Variants in NBAS observed in about 807,000 individuals in gnomAD.
NBAS encodes the protein NBAS subunit of NRZ tethering complex, also known as NAG/BC035112 fusion.
NBAS carries 219 observed loss-of-function variants against 302.5 expected under a neutral mutation model. The observed-to-expected ratio is 0.72, with a 90% CI of 0.65 to 0.81. The LOEUF (loss-of-function observed/expected upper bound fraction) is 0.81. NBAS is among the 30% of genes least tolerant of loss of function. NBAS has a pLI of 0.00. For synonymous variants in NBAS, 1,118 were observed against 1,021.6 expected, an observed-to-expected ratio of 1.09 and a Z score of -1.80; for missense variants, 2,932 against 2,841.6, an observed-to-expected ratio of 1.03 and a Z score of -0.72.
intron 48 of NBAS, among the ~76,000 whole-genome samples, chr2:15,203,724 A>G (rs1019596769): frequency 2.6e-5 from 4 of 152,206 alleles, no homozygotes; most frequent in Admixed American, 6.5e-5. Context: ...CTCATATTCC[A>G]TGTTAATATT....
chr2:15,268,809 T>C (rs1669191044), intron 44 of NBAS, among the ~76,000 whole-genome samples: 1 of 152,238 alleles, frequency 6.6e-6, no homozygotes, highest in Non-Finnish European at 1.5e-5. Context: ...CTTTCTGTGG[T>C]ACCTGATTCC....
chr2:15,328,811 C>T (rs567835756), intron 36 of NBAS, among the ~76,000 whole-genome samples: 71 of 152,288 alleles, frequency 4.7e-4, no homozygotes, highest in Non-Finnish European at 6.8e-4. Flanking sequence ...TAACTTTCCA[C>T]CTCAACCAAA....
chr2:15,070,846 G>T, the NBAS span, among the ~76,000 whole-genome samples: 1 of 152,196 alleles, frequency 6.6e-6, no homozygotes, highest in African/African-American at 2.4e-5. Flanking sequence ...TTTGGAAGAA[G>T]AAAGAGGGGT....
the NBAS span, among the ~76,000 whole-genome samples, chr2:15,032,248 G>A: frequency 6.6e-6 from 1 of 152,234 alleles, no homozygotes; most frequent in Non-Finnish European, 1.5e-5. Context: ...TTGAAATGAG[G>A]TAATGTACTG....
chr2:15,178,945 T>C (rs62121507), intron 51 of NBAS, 43 bp downstream of exon 51: 8 of 1,544,734 alleles, frequency 5.2e-6, no homozygotes, highest in African/African-American at 2.2e-5. Context: ...CTTTGAAACA[T>C]TAAAAAAAAA....
At chr2:15,255,697 C>T (rs1014981358) in intron 44 of NBAS, among the ~76,000 whole-genome samples, 3 of 152,094 alleles carry the variant, frequency 2.0e-5, no homozygotes, top group African/African-American at 7.2e-5. Flanking sequence ...GATTTAAGTC[C>T]TTGAACCATC....
At chr2:15,233,946 C>T (rs931375038) in intron 46 of NBAS, among the ~76,000 whole-genome samples, 1 of 152,158 alleles carries the variant, frequency 6.6e-6, no homozygotes, top group Non-Finnish European at 1.5e-5. Context: ...TCCTTGATGC[C>T]TCATTATTTC....
At chr2:14,826,386 A>G in the NBAS span, among the ~76,000 whole-genome samples, 1 of 152,240 alleles carries the variant, frequency 6.6e-6, no homozygotes, top group Non-Finnish European at 1.5e-5. Flanking sequence ...AAATATGTAA[A>G]TGCACACACA....
chr2:14,992,591 C>T, the NBAS span, among the ~76,000 whole-genome samples: 1 of 152,138 alleles, frequency 6.6e-6, no homozygotes, highest in Non-Finnish European at 1.5e-5. Flanking sequence ...TCAGGGCTGC[C>T]CCTAGCAAGA....
At chr2:15,349,755 A>T (rs1477457662) in intron 35 of NBAS, among the ~76,000 whole-genome samples, 1 of 152,214 alleles carries the variant, frequency 6.6e-6, no homozygotes, top group Non-Finnish European at 1.5e-5. Flanking sequence ...GGAGTTCAAG[A>T]CCGGCCTGGC....
the NBAS span, among the ~76,000 whole-genome samples, chr2:15,073,018 A>G: frequency 1.3e-5 from 2 of 152,218 alleles, no homozygotes; most frequent in Middle Eastern, 3.4e-3. Context: ...AGTTCAAGCT[A>G]CTTGGGAGGC....
chr2:14,867,947 T>C, the NBAS span, among the ~76,000 whole-genome samples: 1 of 152,228 alleles, frequency 6.6e-6, no homozygotes. Context: ...GGAAAAAGCA[T>C]ACCCCTAGTC....
chr2:15,346,397 A>G (rs1673093089), intron 35 of NBAS, among the ~76,000 whole-genome samples: 1 of 152,234 alleles, frequency 6.6e-6, no homozygotes, highest in Non-Finnish European at 1.5e-5. Context: ...AACACATGAA[A>G]AAAAGCTTAA....
chr2:14,808,347 T>C, the NBAS span, among the ~76,000 whole-genome samples: 2 of 152,202 alleles, frequency 1.3e-5, no homozygotes, highest in Non-Finnish European at 2.9e-5. Context: ...GCTGGTGAAA[T>C]GGTTTGGCTC....
rs768018408 is a variant in NBAS at position 15,474,178 on chromosome 2, C to T, written c.1488G>A (p.Val496=). 3 of 1,614,130 alleles carry T rather than the reference C, an allele frequency of 1.9e-6. No individual in the cohort carries two copies. The highest frequency in any genetic ancestry group is 2.5e-6 in the Non-Finnish European group (3 of 1,180,034). ...FGYIKQGLYL[V]TEMERFAPPR... ...GTGGTGCAAATCGCTCCATTTCAGT[C>T]ACCAAGTAAAGGCCCTGTTTTATAT... Residue 496 remains valine, a synonymous_variant, in exon 15 of 52, where the codon GTG becomes GTA. Coordinates refer to ENST00000281513, the MANE Select transcript of NBAS (RefSeq NM_015909.4).
intron 47 of NBAS, among the ~76,000 whole-genome samples, chr2:15,230,863 C>T (rs1667354647): frequency 6.6e-6 from 1 of 152,208 alleles, no homozygotes; most frequent in African/African-American, 2.4e-5. Context: ...GCATCTCTGC[C>T]TGCTCTGCTA....
intron 44 of NBAS, among the ~76,000 whole-genome samples, chr2:15,259,646 G>GTT (rs564540691): frequency 2.6e-5 from 4 of 152,188 alleles, no homozygotes; most frequent in Non-Finnish European, 5.9e-5. Context: ...CTCTGTGGGA[G>GTT]GGTAAGGGCC....
chr2:15,038,950 T>G, the NBAS span, among the ~76,000 whole-genome samples: 1 of 152,222 alleles, frequency 6.6e-6, no homozygotes, highest in African/African-American at 2.4e-5. Flanking sequence ...AGGCATCATC[T>G]TCGTTGGCCT....
downstream of NBAS, among the ~76,000 whole-genome samples, chr2:15,164,557 G>A (rs1424700688): frequency 1.3e-5 from 2 of 152,168 alleles, no homozygotes; most frequent in Admixed American, 6.5e-5. Context: ...CTCACCCTGG[G>A]GGCCGCGTCC....
Sources: allele counts gnomAD v4.1 joint callset (sites outside exome capture counted in the v4.1 genomes callset), GRCh38; gene constraint gnomAD v4.1.1; transcripts MANE v1.5; gene names NCBI Gene and HGNC (gene_info 2026-07-23, HGNC 2026-07-21).